ADAM12: variants seen among roughly 807,000 people sequenced by gnomAD.
The protein encoded by ADAM12 is ADAM metallopeptidase domain 12.
In ADAM12, 70 loss-of-function variants were observed where a neutral mutation model predicts 106.4. That is an observed-to-expected ratio of 0.66 (90% CI 0.54 to 0.80). ADAM12 has a LOEUF of 0.80. Ranked by LOEUF, ADAM12 falls within the 30% of genes least tolerant of loss-of-function variation. The pLI is 0.00. For synonymous variants in ADAM12, 420 were observed against 433.5 expected, an observed-to-expected ratio of 0.97 and a Z score of 0.39; for missense variants, 1,010 against 1,171.9, an observed-to-expected ratio of 0.86 and a Z score of 2.02.
At chr10:126,117,993 G>C (rs1956017588) in intron 6 of ADAM12, 45 bp downstream of exon 6, 1 of 1,596,220 alleles carries the variant, frequency 6.3e-7, no homozygotes, top group African/African-American at 1.3e-5. Flanking sequence ...TCCGTAGCTT[G>C]AGCTCCTAGC....
rs1345711572 is a variant in ADAM12, at chr10:126,345,632, G to A, written c.89-15123C>T. Among the ~76,000 whole-genome samples the A allele has an allele frequency of 4.6e-5, 7 of 152,158 alleles. No individual in the cohort carries two copies. In the East Asian group the frequency reaches 5.8e-4, roughly 13 times the overall value. Reference sequence around the variant, plus strand: ...CCTCCTTGTACCTCTGGTAGAATTCGGCTGCGAATCCGTCTGGTCCTGGAC... The same window carrying A: ...CCTCCTTGTACCTCTGGTAGAATTCAGCTGCGAATCCGTCTGGTCCTGGAC... On this transcript the variant is annotated intron_variant, in intron 1 of 22. Coordinates refer to ENST00000448723, the MANE Select transcript of ADAM12 (RefSeq NM_001288973.2).
chr10:126,208,346 C>A (rs1009225086), intron 3 of ADAM12, among the ~76,000 whole-genome samples: 2 of 152,136 alleles, frequency 1.3e-5, no homozygotes, highest in African/African-American at 4.8e-5. Context: ...CAGCCCCCAG[C>A]AACAAAGAAT....
chr10:126,240,700 C>T (rs1387812490), intron 3 of ADAM12, among the ~76,000 whole-genome samples: 2 of 152,142 alleles, frequency 1.3e-5, no homozygotes, highest in Non-Finnish European at 2.9e-5. Context: ...AAAGAGACCA[C>T]GTGCTTGAGA....
chr10:126,135,463 G>T, intron 5 of ADAM12, 121 bp downstream of exon 5: 3 of 895,502 alleles, frequency 3.4e-6, no homozygotes, highest in Non-Finnish European at 5.3e-6. Context: ...CTAGGTGGAG[G>T]TGTAGCTGAG....
rs182031665 is a variant in ADAM12 at position 126,282,287 on chromosome 10, G to A, written c.187-3299C>T. Among the ~76,000 whole-genome samples, 25 of 152,214 alleles carry A rather than the reference G, an allele frequency of 1.6e-4. No individual in the cohort carries two copies. In the East Asian group the frequency reaches 3.1e-3, roughly 19 times the overall value. On this transcript the variant is annotated intron_variant, in intron 2 of 22. Transcript: ENST00000448723. ...TTCACCTTAATTGCCTTTTTAAAGG[G>A]CCTTTCTCCAAATACAGTCACATTC...
At chr10:126,077,869 C>T (rs1003697360) in intron 11 of ADAM12, among the ~76,000 whole-genome samples, 1 of 152,152 alleles carries the variant, frequency 6.6e-6, no homozygotes, top group South Asian at 2.1e-4. Flanking sequence ...CCTCATCTCC[C>T]TTTTGCTGCT....
intron 3 of ADAM12, among the ~76,000 whole-genome samples, chr10:126,225,440 A>G (rs1958174873): frequency 6.6e-6 from 1 of 152,224 alleles, no homozygotes; most frequent in Non-Finnish European, 1.5e-5. Flanking sequence ...CCTGCACGGG[A>G]TCGCACGGCA....
At chr10:126,282,501 C>T (rs1365518730) in intron 2 of ADAM12, among the ~76,000 whole-genome samples, 2 of 152,156 alleles carry the variant, frequency 1.3e-5, no homozygotes, top group Non-Finnish European at 2.9e-5. Context: ...TTCTAGTGTA[C>T]ATATTCCTAA....
At chr10:126,312,597 A>G (rs1249624701) in intron 2 of ADAM12, among the ~76,000 whole-genome samples, 1 of 152,122 alleles carries the variant, frequency 6.6e-6, no homozygotes, top group Non-Finnish European at 1.5e-5. Flanking sequence ...GGGAGCCTTT[A>G]AGGAGGAGGA....
In ADAM12 at chr10:126,278,987, T is replaced by C. The variant is rs767241535; in HGVS notation, c.188A>G (p.Asn63Ser). Reference protein sequence around the residue: ...WIPVKSFDSKNHPEVLNIRLQ... With the variant: ...WIPVKSFDSKSHPEVLNIRLQ... ...TCGAATATTCAGCACTTCTGGATGATTCTGAAAGATAAACAACAAAAGTCA... is the reference window on the plus strand; with the variant it reads ...TCGAATATTCAGCACTTCTGGATGACTCTGAAAGATAAACAACAAAAGTCA... The change falls in exon 3 of 23, where the codon AAT (asparagine) becomes AGT (serine). Residue 63 changes from asparagine to serine, a missense_variant and splice_region_variant. By Grantham distance (46) the Asn-to-Ser change is conservative (BLOSUM62 1). Around this residue, in one of 3 missense-constraint regions of ADAM12, gnomAD observed 391 missense variants for 442.9 expected, o/e 0.88. Coordinates refer to ENST00000448723, the MANE Select transcript of ADAM12 (RefSeq NM_001288973.2). The C allele has an allele frequency of 6.2e-7, 1 of 1,612,312 alleles. No homozygotes were observed.
intron 11 of ADAM12, among the ~76,000 whole-genome samples, chr10:126,087,218 C>A (rs1366110696): frequency 6.6e-6 from 1 of 152,120 alleles, no homozygotes; most frequent in Non-Finnish European, 1.5e-5. Flanking sequence ...TGGGCAGCAG[C>A]TTTTCATATT....
intron 4 of ADAM12, among the ~76,000 whole-genome samples, chr10:126,136,603 A>G (rs906912366): frequency 1.3e-5 from 2 of 152,204 alleles, no homozygotes; most frequent in African/African-American, 4.8e-5. Flanking sequence ...CACTTTGTCC[A>G]GCGCAGAGCT....
Position 126,039,375 on chromosome 10 carries a change from G to A in ADAM12, c.2159C>T (p.Ala720Val). 1 of 1,614,058 alleles carries A rather than the reference G, an allele frequency of 6.2e-7. No homozygotes were observed. The highest frequency in any genetic ancestry group is 8.5e-7 in the Non-Finnish European group (1 of 1,179,978). Residue 720 changes from alanine (A) to valine (V), a missense_variant, in exon 19 of 23, where the codon GCC becomes GTC. Physicochemically the swap from Ala to Val is moderately conservative, Grantham distance 64. Coordinates refer to ENST00000448723, the MANE Select transcript of ADAM12 (RefSeq NM_001288973.2). ...ILVTILCLLA[A>V]GFVVYLKRKT... ...CCTTTTGAGATAAACCACAAATCCG[G>A]CAGCAAGAAGACACAGGATGGTCAC...
At chr10:126,340,210 T>A (rs180735429) in intron 1 of ADAM12, among the ~76,000 whole-genome samples, 8 of 152,308 alleles carry the variant, frequency 5.3e-5, no homozygotes, top group Admixed American at 3.3e-4. Context: ...ATTCTCTGCC[T>A]AAGAATGGAT....
At chr10:126,209,500 G>C (rs1289488345) in intron 3 of ADAM12, among the ~76,000 whole-genome samples, 1 of 152,138 alleles carries the variant, frequency 6.6e-6, no homozygotes, top group Non-Finnish European at 1.5e-5. Flanking sequence ...TTGTCACACA[G>C]AATTTATTAG....
At chr10:126,354,119 A>G (rs1400177497) in intron 1 of ADAM12, among the ~76,000 whole-genome samples, 1 of 151,862 alleles carries the variant, frequency 6.6e-6, no homozygotes, top group East Asian at 1.9e-4. Flanking sequence ...CCCTCCATCA[A>G]ATCCTGCTCC....
rs1484902820 is a variant in ADAM12 at position 126,043,188 on chromosome 10, T to A, written c.1996-40A>T. 9 of 1,585,904 alleles carry A rather than the reference T, an allele frequency of 5.7e-6. No individual in the cohort carries two copies. The highest frequency in any genetic ancestry group is 1.7e-5 in the Admixed American group (1 of 58,990). ...GGGAGGGACGTGGGGTTAGGGCATA[T>A]GCTCTGTGCATCACCACAGCAGAAG... On this transcript the variant is annotated intron_variant, in intron 17 of 22. Coordinates refer to ENST00000448723, the MANE Select transcript of ADAM12 (RefSeq NM_001288973.2). This position sits in a 1 kb window ranked among gnomAD's most constrained non-coding sequence, Gnocchi z 4.1.
intron 3 of ADAM12, among the ~76,000 whole-genome samples, chr10:126,170,567 A>G (rs1208400951): frequency 6.6e-6 from 1 of 152,018 alleles, no homozygotes; most frequent in Non-Finnish European, 1.5e-5. Flanking sequence ...AGTCAGGAGG[A>G]TCCAAAAAAA....
chr10:126,022,160 G>A (rs1422385528), intron 21 of ADAM12, among the ~76,000 whole-genome samples: 2 of 152,160 alleles, frequency 1.3e-5, no homozygotes, highest in African/African-American at 2.4e-5. Flanking sequence ...AGTTAGGTTA[G>A]CCATTCATTC....
Sources: gnomAD v4.1 joint callset for allele counts (sites outside exome capture counted in the v4.1 genomes callset) on GRCh38, gnomAD v4.1.1 for gene constraint, gnomAD v4.1.1 regional missense constraint, Gnocchi (gnomAD v3.1) non-coding constraint, MANE v1.5 for transcripts, NCBI Gene and HGNC (gene_info 2026-07-23, HGNC 2026-07-21) for gene names.